The following CENPP variants were observed in gnomAD, a reference collection of about 807,000 sequenced individuals.
CENPP encodes centromere protein P.
In CENPP, 24 loss-of-function variants were observed where a neutral mutation model predicts 35.6. That is an observed-to-expected ratio of 0.67 (90% CI 0.49 to 0.95). The LOEUF is 0.95. Ranked by LOEUF, CENPP falls within the 40% of genes least tolerant of loss-of-function variation. The probability of loss-of-function intolerance (pLI) is 0.00; values close to 1 mark genes in which losing one functional copy is unlikely to be tolerated. For synonymous variants in CENPP, 120 were observed against 125.5 expected (o/e 0.96, Z 0.29); for missense variants, 332 against 345.3 (o/e 0.96, Z 0.31).
intron 5 of CENPP, among the ~76,000 whole-genome samples, chr9:92,573,827 G>A (rs887527349): frequency 1.6e-4 from 24 of 152,342 alleles, no homozygotes; most frequent in African/African-American, 3.6e-4. Flanking sequence ...CCTCGCGGCC[G>A]CCTTGCAGTT....
intron 5 of CENPP, among the ~76,000 whole-genome samples, chr9:92,538,274 C>G (rs1849236969): frequency 6.6e-6 from 1 of 152,130 alleles, no homozygotes; most frequent in Admixed American, 6.5e-5. Flanking sequence ...GCATAGTTGT[C>G]CATGCTATAC....
chr9:92,611,275 A>C, intron 5 of CENPP, 39 bp from the exon 6 acceptor site: 1 of 1,546,844 alleles, frequency 6.5e-7, no homozygotes, highest in Non-Finnish European at 8.9e-7. Context: ...CTTTCTCCCC[A>C]CCAGTGGATC....
At chr9:92,464,517 T>C (rs1845232095) in intron 5 of CENPP, among the ~76,000 whole-genome samples, 1 of 152,244 alleles carries the variant, frequency 6.6e-6, no homozygotes, top group Admixed American at 6.5e-5. Context: ...CAGTCTGGGC[T>C]CATAGGCTTC....
chr9:92,514,955 C>T, intron 5 of CENPP: 1 of 1,614,064 alleles, frequency 6.2e-7, no homozygotes, highest in Non-Finnish European at 8.5e-7. Flanking sequence ...CCTCTGCTGT[C>T]CCCCTCACTG....
At chr9:92,554,798 C>T (rs750476103) in intron 5 of CENPP, among the ~76,000 whole-genome samples, 10 of 151,740 alleles carry the variant, frequency 6.6e-5, no homozygotes, top group South Asian at 2.1e-4. Flanking sequence ...CCACTGCGCC[C>T]GGCTTATTTT....
intron 5 of CENPP, among the ~76,000 whole-genome samples, chr9:92,592,975 A>C (rs1170428425): frequency 6.6e-6 from 1 of 152,198 alleles, no homozygotes; most frequent in Non-Finnish European, 1.5e-5. Flanking sequence ...AGTTGGCTTA[A>C]ACGAAAAGGA....
chr9:92,514,122 C>T (rs1847529587), intron 5 of CENPP, among the ~76,000 whole-genome samples: 1 of 131,328 alleles, frequency 7.6e-6, no homozygotes, highest in South Asian at 2.2e-4. Flanking sequence ...GAGAATCGTT[C>T]ACTTTTTTTT....
rs769630618 is a variant in CENPP, at chr9:92,345,680, A to AT, written c.379-14dup. The AT allele has an allele frequency of 4.1e-5, 58 of 1,425,260 alleles. No individual in the cohort carries two copies. Among genetic ancestry groups the AT allele is most frequent in the Admixed American group, 7.3e-5 (4 of 54,572 alleles). 88.3% of individuals were successfully genotyped at this position (1,425,260 alleles called of 1,614,324 possible). ...AAGTTTACTGTGCTTTGATACAGAA[A>AT]TTTTTATCTTTATTTTAGAATAAGG... On this transcript the variant is annotated intron_variant, in intron 3 of 7. Transcript: ENST00000375587.
intron 5 of CENPP, among the ~76,000 whole-genome samples, chr9:92,570,303 G>A (rs1157867301): frequency 1.3e-5 from 2 of 152,104 alleles, no homozygotes; most frequent in Admixed American, 1.3e-4. Context: ...GTTGAATTTT[G>A]TTGAAGGCCT....
chr9:92,412,226 G>A (rs1843465047), intron 5 of CENPP, among the ~76,000 whole-genome samples: 1 of 151,834 alleles, frequency 6.6e-6, no homozygotes, highest in African/African-American at 2.4e-5. Context: ...AGCTAAGACT[G>A]CAGGCATGCA....
intron 5 of CENPP, chr9:92,505,732 AAC>A: frequency 6.8e-7 from 1 of 1,474,020 alleles, no homozygotes; most frequent in Non-Finnish European, 9.1e-7. Flanking sequence ...ATAATTGAAA[AAC>A]CATGCAAATT....
chr9:92,372,206 G>A (rs1842027864), intron 4 of CENPP, among the ~76,000 whole-genome samples: 1 of 142,184 alleles, frequency 7.0e-6, no homozygotes, highest in Non-Finnish European at 1.5e-5. Flanking sequence ...TTGTTTGCAT[G>A]GGATATCTTT....
intron 2 of CENPP, among the ~76,000 whole-genome samples, chr9:92,336,114 A>G (rs1317263056): frequency 6.6e-6 from 1 of 152,174 alleles, no homozygotes; most frequent in African/African-American, 2.4e-5. Context: ...GTCTCTTACG[A>G]CATAGACATA....
At chr9:92,526,923 A>C (rs1429530224) in intron 5 of CENPP, among the ~76,000 whole-genome samples, 3 of 152,194 alleles carry the variant, frequency 2.0e-5, no homozygotes, top group Admixed American at 2.0e-4. Context: ...ATTCATGGTA[A>C]GTACCCTAGA....
chr9:92,566,433 A>T (rs1849970229), intron 5 of CENPP, among the ~76,000 whole-genome samples: 1 of 152,182 alleles, frequency 6.6e-6, no homozygotes, highest in Admixed American at 6.5e-5. Flanking sequence ...AAAGAGTTTT[A>T]AAAACTGTCT....
At chr9:92,417,559 C>T (rs751751420) in intron 5 of CENPP, 9 of 1,544,164 alleles carry the variant, frequency 5.8e-6, no homozygotes, top group Non-Finnish European at 7.8e-6. Flanking sequence ...AAAAACCCAT[C>T]TTCTTTTTTT....
intron 4 of CENPP, among the ~76,000 whole-genome samples, chr9:92,358,866 AT>A (rs1160549409): frequency 7.0e-6 from 1 of 143,118 alleles, no homozygotes; most frequent in Non-Finnish European, 1.5e-5. Context: ...CTACCATCAG[AT>A]TTTTTTTCAG....
At chr9:92,386,667 C>T (rs1436252084) in intron 5 of CENPP, among the ~76,000 whole-genome samples, 1 of 152,132 alleles carries the variant, frequency 6.6e-6, no homozygotes, top group Non-Finnish European at 1.5e-5. Flanking sequence ...CTGGTGCTGC[C>T]ATAACCTCTC....
At chr9:92,329,907 T>G (rs554791090) in intron 1 of CENPP, among the ~76,000 whole-genome samples, 4 of 152,210 alleles carry the variant, frequency 2.6e-5, no homozygotes, top group Non-Finnish European at 5.9e-5. Flanking sequence ...TGATGGCAAA[T>G]GCAAAAGAAG....
Sources: gnomAD v4.1 joint callset for allele counts (sites outside exome capture counted in the v4.1 genomes callset) on GRCh38, gnomAD v4.1.1 for gene constraint, MANE v1.5 for transcripts, NCBI Gene and HGNC (gene_info 2026-07-23, HGNC 2026-07-21) for gene names.